Variants in THSD7A observed in about 807,000 individuals in gnomAD.
The protein encoded by THSD7A is thrombospondin type 1 domain containing 7A, also known as thrombospondin type-1 domain-containing protein 7A.
THSD7A carries 96 observed loss-of-function variants against 231.3 expected under a neutral mutation model. That is an observed-to-expected ratio of 0.41 (90% confidence interval 0.35 to 0.49). The LOEUF (loss-of-function observed/expected upper bound fraction) is 0.49, where lower values mean the gene tolerates loss of function less well. Among genes scored for constraint, THSD7A ranks in the 20% least tolerant of loss-of-function variants. The pLI is 0.05. For missense variants in THSD7A, 2,290 were observed against 2,070.2 expected (o/e 1.11, Z -2.06); for synonymous variants, 940 against 743.3 (o/e 1.26, Z -4.30).
chr7:11,614,391 A>G (rs1016551474), intron 2 of THSD7A, among the ~76,000 whole-genome samples: 2 of 152,152 alleles, frequency 1.3e-5, no homozygotes, highest in African/African-American at 4.8e-5. Context: ...AGATTTACTT[A>G]TTTGGATGTG....
chr7:11,497,047 C>T (rs1486100058), intron 6 of THSD7A, among the ~76,000 whole-genome samples: 3 of 152,158 alleles, frequency 2.0e-5, no homozygotes, highest in African/African-American at 4.8e-5. Flanking sequence ...AATTCACTTA[C>T]AGTTCAGAAT....
chr7:11,781,820 T>C (rs968364143), intron 1 of THSD7A, among the ~76,000 whole-genome samples: 7 of 152,218 alleles, frequency 4.6e-5, no homozygotes, highest in African/African-American at 1.7e-4. Flanking sequence ...AAAAAGTATA[T>C]CTGAATATTT....
intron 22 of THSD7A, among the ~76,000 whole-genome samples, chr7:11,405,266 A>G (rs1783544872): frequency 6.6e-6 from 1 of 151,602 alleles, no homozygotes; most frequent in African/African-American, 2.4e-5. Context: ...TTTTGTTGAT[A>G]TATGTTATCC....
At chr7:11,564,277 A>G (rs2189640) in intron 4 of THSD7A, among the ~76,000 whole-genome samples, 125,101 of 152,074 alleles carry the variant, frequency 0.82, 51,950 homozygotes, top group African/African-American at 0.92. Context: ...ACTGCTGGTG[A>G]GGAGGGAGTT....
chr7:11,507,430 G>A (rs10230754), intron 6 of THSD7A, among the ~76,000 whole-genome samples: 96 of 152,072 alleles, frequency 6.3e-4, no homozygotes, highest in African/African-American at 2.1e-3. Flanking sequence ...TTGTATGCCC[G>A]AATACTATGC....
intron 6 of THSD7A, among the ~76,000 whole-genome samples, chr7:11,495,952 C>T (rs115924634): frequency 1.1e-3 from 166 of 152,234 alleles, no homozygotes; most frequent in African/African-American, 3.9e-3. Context: ...GGAAAGAATA[C>T]TAATAGAGAC....
intron 9 of THSD7A, among the ~76,000 whole-genome samples, chr7:11,466,294 G>A (rs1310829339): frequency 6.6e-6 from 1 of 152,076 alleles, no homozygotes; most frequent in African/African-American, 2.4e-5. Flanking sequence ...ATTTTTAAAT[G>A]GTGTGTGTAA....
At chr7:11,557,048 T>C (rs2128328091) in intron 4 of THSD7A, among the ~76,000 whole-genome samples, 1 of 152,222 alleles carries the variant, frequency 6.6e-6, no homozygotes, top group South Asian at 2.1e-4. Flanking sequence ...ATACATTTTT[T>C]TTCTTTTAAG....
Position 11,417,146 on chromosome 7 carries a change from A to G in THSD7A, c.3537+304T>C, listed in dbSNP as rs962676385. Among the ~76,000 whole-genome samples, 7 of 152,206 alleles carry G rather than the reference A, an allele frequency of 4.6e-5. No homozygotes were observed. The South Asian group carries it at 6.2e-4, about 14-fold the overall frequency. ...TTACCTGGAGGGAATCATTATCACC[A>G]CTGCAGTTTTTAACATGCTGTGTAT... On this transcript the variant is annotated intron_variant, in intron 17 of 27. Coordinates refer to ENST00000423059, the MANE Select transcript of THSD7A (RefSeq NM_015204.3).
rs574696843 is a variant in THSD7A, at chr7:11,651,311, G to A, written c.191-14350C>T. ...AGGATATGGGAAAGTATTGGTTGAT[G>A]AGTGCAGAGTTCCAGTTTCAGAAAA... On this transcript the variant is annotated intron_variant, in intron 1 of 27. Transcript: ENST00000423059. 1.2e-4 allele frequency among the ~76,000 whole-genome samples: 18 copies of A among 152,114 alleles called. No individual in the cohort carries two copies. The East Asian group carries it at 3.1e-3, about 26-fold the overall frequency.
intron 8 of THSD7A, among the ~76,000 whole-genome samples, chr7:11,471,038 C>T (rs556674639): frequency 6.6e-6 from 1 of 151,912 alleles, no homozygotes; most frequent in Non-Finnish European, 1.5e-5. Flanking sequence ...TTCTTCTCTG[C>T]ATTTTTACAA....
intron 1 of THSD7A, among the ~76,000 whole-genome samples, chr7:11,711,015 T>C (rs1780942755): frequency 1.3e-5 from 2 of 150,930 alleles, no homozygotes; most frequent in African/African-American, 2.4e-5. Context: ...ATTAAATAGT[T>C]TTGAGTGAGC....
chr7:11,460,618 A>G (rs1260287511), intron 11 of THSD7A, 44 bp downstream of exon 11: 1 of 1,505,000 alleles, frequency 6.6e-7, no homozygotes, highest in Non-Finnish European at 9.0e-7. Flanking sequence ...CAGTAGTTAA[A>G]CTAGCGATGC....
chr7:11,769,769 G>A (rs2128171200), intron 1 of THSD7A, among the ~76,000 whole-genome samples: 1 of 151,952 alleles, frequency 6.6e-6, no homozygotes, highest in South Asian at 2.1e-4. Flanking sequence ...AGTTTTATTT[G>A]TGGCAGTTAA....
chr7:11,466,117 C>G (rs1482523154), intron 9 of THSD7A, among the ~76,000 whole-genome samples: 1 of 152,080 alleles, frequency 6.6e-6, no homozygotes, highest in African/African-American at 2.4e-5. Context: ...GTGTATTTGA[C>G]TTCCTTAAAG....
In THSD7A at chr7:11,825,653, C is replaced by T. The variant is rs577731941; in HGVS notation, c.190+6104G>A. The stretch of plus-strand genomic sequence containing the variant: ...CTCTCCTAGTACGTTACATGCATTA[C>T]CACATTTAAACCTCAGAAAACCCCT... On this transcript the variant is annotated intron_variant, in intron 1 of 27. Coordinates refer to ENST00000423059, the MANE Select transcript of THSD7A (RefSeq NM_015204.3). Among the ~76,000 whole-genome samples, 4 of 152,192 alleles carry T rather than the reference C, an allele frequency of 2.6e-5. No homozygotes were observed. The South Asian group carries it at 6.2e-4, about 24-fold the overall frequency.
intron 1 of THSD7A, among the ~76,000 whole-genome samples, chr7:11,724,633 T>C (rs1349293067): frequency 2.0e-5 from 3 of 151,908 alleles, no homozygotes; most frequent in African/African-American, 7.2e-5. Flanking sequence ...ACTTTGATAC[T>C]GGGAAGACAA....
At chr7:11,395,821 C>T (rs989173198) in intron 23 of THSD7A, among the ~76,000 whole-genome samples, 4 of 151,956 alleles carry the variant, frequency 2.6e-5, no homozygotes, top group African/African-American at 4.8e-5. Flanking sequence ...CCACCGTGCC[C>T]GGCCCAGAAT....
chr7:11,697,534 T>C (rs533649505), intron 1 of THSD7A, among the ~76,000 whole-genome samples: 2 of 151,316 alleles, frequency 1.3e-5, no homozygotes, highest in Admixed American at 6.6e-5. Flanking sequence ...AAGACAAATA[T>C]GAGAGATTAT....
Sources: allele counts gnomAD v4.1 joint callset (sites outside exome capture counted in the v4.1 genomes callset), GRCh38; gene constraint gnomAD v4.1.1; transcripts MANE v1.5; gene names NCBI Gene and HGNC (gene_info 2026-07-23, HGNC 2026-07-21).